RUBCNL: variants seen among roughly 807,000 people sequenced by gnomAD.
RUBCNL encodes rubicon like autophagy enhancer.
A neutral mutation model predicts 69.5 loss-of-function variants in RUBCNL; 62 were observed. That is an observed-to-expected ratio of 0.89 (90% CI 0.73 to 1.10). RUBCNL has a LOEUF of 1.10. Among genes scored for constraint, RUBCNL ranks in the 50% least tolerant of loss-of-function variants. The pLI is 0.00. For synonymous variants in RUBCNL, 291 were observed against 303.6 expected, an observed-to-expected ratio of 0.96 and a Z score of 0.43; for missense variants, 768 against 798.1, an observed-to-expected ratio of 0.96 and a Z score of 0.45.
chr13:46,353,717 G>T (rs555999331), intron 10 of RUBCNL, among the ~76,000 whole-genome samples: 39 of 152,328 alleles, frequency 2.6e-4, no homozygotes, highest in African/African-American at 9.1e-4. Flanking sequence ...TTTATGAAAA[G>T]TCAGCATCAG....
intron 1 of RUBCNL, among the ~76,000 whole-genome samples, chr13:46,379,858 C>T (rs1225647616): frequency 2.6e-5 from 4 of 152,186 alleles, no homozygotes; most frequent in Admixed American, 1.3e-4. Context: ...CATGCTTTGA[C>T]GTTAGGCAAA....
rs1198452224 is a variant in RUBCNL at position 46,350,386 on chromosome 13, G to A, written c.1331-35C>T. 3.4e-6 allele frequency: 5 copies of A among 1,462,364 alleles called. No individual in the cohort carries two copies. In the African/African-American group the frequency reaches 5.6e-5, roughly 16 times the overall value. The allele number at this position is 1,462,364 out of a possible 1,614,324, so 90.6% of individuals were successfully genotyped here. Reference sequence around the variant, plus strand: ...ATACCGGAGGGTGAGTGCCACACCTGGTGCTGAAAACCTATCCTGGTATAC... The same window carrying A: ...ATACCGGAGGGTGAGTGCCACACCTAGTGCTGAAAACCTATCCTGGTATAC... On this transcript the variant is annotated intron_variant, in intron 10 of 14. Coordinates refer to ENST00000429979, the MANE Select transcript of RUBCNL (RefSeq NM_025113.5).
At chr13:46,382,273 C>T (rs1423981406) in intron 1 of RUBCNL, among the ~76,000 whole-genome samples, 1 of 152,066 alleles carries the variant, frequency 6.6e-6, no homozygotes, top group African/African-American at 2.4e-5. Flanking sequence ...GCACAAGCTA[C>T]ACACCAGGCT....
At position 46,341,082 on chromosome 13, in the gene RUBCNL, A is replaced by C. The variant is rs938296502; in HGVS notation, c.*2303T>G. 1.3e-5 allele frequency among the ~76,000 whole-genome samples: 2 copies of C among 152,190 alleles called. No individual in the cohort carries two copies. Among genetic ancestry groups the C allele is most frequent in the Non-Finnish European group, 2.9e-5 (2 of 68,044 alleles). Reference sequence around the variant, plus strand: ...TCTTTGGGATGGCTTGCTCCTCCTCATCCTATAGCCTCTGCCTTGAGATGG... The same window carrying C: ...TCTTTGGGATGGCTTGCTCCTCCTCCTCCTATAGCCTCTGCCTTGAGATGG... On this transcript the variant is annotated 3_prime_UTR_variant, in exon 15 of 15. Coordinates refer to ENST00000429979, the MANE Select transcript of RUBCNL (RefSeq NM_025113.5).
At chr13:46,349,843 A>T (rs1213450936) in intron 11 of RUBCNL, among the ~76,000 whole-genome samples, 2 of 145,446 alleles carry the variant, frequency 1.4e-5, no homozygotes, top group African/African-American at 2.5e-5. Context: ...TACCTGACTA[A>T]TTTTTTTTTT....
Position 46,350,054 on chromosome 13 carries a change from T to C in RUBCNL, c.1569+59A>G, listed in dbSNP as rs1028604270. The C allele has an allele frequency of 1.0e-5, 13 of 1,282,124 alleles. No homozygotes were observed. In the African/African-American group the frequency reaches 1.3e-4, roughly 13 times the overall value. The allele number at this position is 1,282,124 out of a possible 1,614,324, so 79.4% of individuals were successfully genotyped here. A position where few individuals can be genotyped will look rare whatever the true frequency, so the allele number is the denominator to read the frequency against. ...GTGGGTTCCCCAAGCTAGTGTGATG[T>C]GCATTTCCTGCCACAGGACACTTCC... On this transcript the variant is annotated intron_variant, in intron 11 of 14. Coordinates refer to ENST00000429979, the MANE Select transcript of RUBCNL (RefSeq NM_025113.5).
At position 46,340,271 on chromosome 13, in the gene RUBCNL, A is replaced by G. The variant is rs2048132397; in HGVS notation, c.*3114T>C. On this transcript the variant is annotated 3_prime_UTR_variant, in exon 15 of 15. Coordinates refer to ENST00000429979, the MANE Select transcript of RUBCNL (RefSeq NM_025113.5). Reference sequence around the variant, plus strand: ...CCTTTAACATATTCTTTCATGGGACACAATTCAACCCACAACAGTAGCTAT... The same window carrying G: ...CCTTTAACATATTCTTTCATGGGACGCAATTCAACCCACAACAGTAGCTAT... Among the ~76,000 whole-genome samples the G allele has an allele frequency of 6.6e-6, 1 of 152,220 alleles. No homozygotes were observed. Among genetic ancestry groups the G allele is most frequent in the Non-Finnish European group, 1.5e-5 (1 of 68,038 alleles).
chr13:46,357,332 C>CAA (rs750289413), intron 9 of RUBCNL, among the ~76,000 whole-genome samples: 55 of 53,124 alleles, frequency 1.0e-3, no homozygotes, highest in East Asian at 2.8e-3. Flanking sequence ...GACTCCGTCT[C>CAA]AAAAAAAAAA....
intron 10 of RUBCNL, among the ~76,000 whole-genome samples, chr13:46,353,802 T>C (rs564128433): frequency 9.2e-5 from 14 of 152,384 alleles, no homozygotes; most frequent in Admixed American, 6.5e-4. Context: ...AAGTGTTCTA[T>C]ATCTGTGCTG....
Position 46,368,191 on chromosome 13 carries a change from C to A in RUBCNL, c.677G>T (p.Cys226Phe). 1 of 1,614,000 alleles carries A rather than the reference C, an allele frequency of 6.2e-7. No homozygotes were observed. The highest frequency in any genetic ancestry group is 1.1e-5 in the South Asian group (1 of 91,088). The change falls in exon 5 of 15, where the codon TGT becomes TTT. Residue 226 changes from cysteine to phenylalanine, a missense_variant. Cys to Phe is a radical substitution (Grantham distance 205). Transcript: ENST00000429979. ...TGTCTGCTGTTGACTCAGAATGTTA[C>A]ACTTCATTTTCTCCATTGCTGATAT... Reference protein sequence around the residue: ...MIISAMEKMKCNILSQQQTES... With the variant: ...MIISAMEKMKFNILSQQQTES...
rs796659819 is a variant in RUBCNL, at chr13:46,373,218, C to T, written c.-122-621G>A. ...CAAACTCCTGACCTCAGGTGATCCACTCGCCTCAGCCTCTCAAAGTGCTGG... is the reference window on the plus strand; with the variant it reads ...CAAACTCCTGACCTCAGGTGATCCATTCGCCTCAGCCTCTCAAAGTGCTGG... On this transcript the variant is annotated intron_variant, in intron 2 of 14. Transcript: ENST00000429979. Among the ~76,000 whole-genome samples, 14 of 152,272 alleles carry T rather than the reference C, an allele frequency of 9.2e-5. 1 individual carries two copies. Among genetic ancestry groups the T allele is most frequent in the Admixed American group, 5.2e-4 (8 of 15,298 alleles).
chr13:46,384,450 T>C (rs2049190882), intron 1 of RUBCNL, among the ~76,000 whole-genome samples: 2 of 152,212 alleles, frequency 1.3e-5, no homozygotes, highest in Admixed American at 6.5e-5. Flanking sequence ...ATACTTACTC[T>C]ATAATTGTAC....
rs764458781 is a variant in RUBCNL, at chr13:46,335,260, GTTTTTTTTTTTTT to G, written c.*8112_*8124del. Among the ~76,000 whole-genome samples the G allele has an allele frequency of 4.9e-5, 5 of 101,882 alleles. No homozygotes were observed. The highest frequency in any genetic ancestry group is 9.4e-5 in the Non-Finnish European group (5 of 53,466). The allele number at this position is 101,882 out of a possible 152,430, so 66.8% of individuals were successfully genotyped here. On this transcript the variant is annotated 3_prime_UTR_variant, in exon 15 of 15. Transcript: ENST00000429979. ...GTGTCTTTTTGTTGTTGTTGTTGTT[GTTTTTTTTTTTTT>G]TTTTTTTTTTTTAAGAGACAGGGTC...
intron 9 of RUBCNL, among the ~76,000 whole-genome samples, chr13:46,357,519 G>T (rs1005433246): frequency 6.6e-6 from 1 of 151,846 alleles, no homozygotes; most frequent in South Asian, 2.1e-4. Flanking sequence ...GATGCACTTG[G>T]GAAATTCACA....
chr13:46,356,397 ACATCATAAG>A (rs1566071594), intron 10 of RUBCNL, 26 bp downstream of exon 10: 1 of 1,606,068 alleles, frequency 6.2e-7, no homozygotes, highest in South Asian at 1.1e-5. Flanking sequence ...CCTTGTCATC[ACATCATAAG>A]CAGGCGATCC....
In RUBCNL at chr13:46,339,046, C is replaced by CAA. The variant is rs57707207; in HGVS notation, c.*4337_*4338dup. 3.6e-4 allele frequency among the ~76,000 whole-genome samples: 46 copies of CAA among 128,888 alleles called. 1 individual carries two copies. Among genetic ancestry groups the CAA allele is most frequent in the African/African-American group, 9.2e-4 (33 of 35,706 alleles). The allele number at this position is 128,888 out of a possible 152,430, so 84.6% of individuals were successfully genotyped here. On this transcript the variant is annotated 3_prime_UTR_variant, in exon 15 of 15. Transcript: ENST00000429979. The stretch of plus-strand genomic sequence containing the variant: ...TGGGCGACAGAGCGAGACCCTGTCT[C>CAA]AAAAAAAAAAAAAAAAGTGCAAGGA...
rs2048111062 is a variant in RUBCNL, at chr13:46,337,338, C to G, written c.*6047G>C. ...ATTTTTAGTAAAGACTGGGTTTCAC[C>G]ATGTTGGCCAGGATGGTCTCAATCT... On this transcript the variant is annotated 3_prime_UTR_variant, in exon 15 of 15. Transcript: ENST00000429979. Among the ~76,000 whole-genome samples, 1 of 152,096 alleles carries G rather than the reference C, an allele frequency of 6.6e-6. No homozygotes were observed. Among genetic ancestry groups the G allele is most frequent in the South Asian group, 2.1e-4 (1 of 4,824 alleles).
chr13:46,347,835 C>T (rs2048280783), intron 12 of RUBCNL, among the ~76,000 whole-genome samples: 1 of 152,052 alleles, frequency 6.6e-6, no homozygotes, highest in South Asian at 2.1e-4. Flanking sequence ...ACTAAAAACA[C>T]ACAAAAAATT....
At chr13:46,385,007 A>T (rs1031257955) in intron 1 of RUBCNL, among the ~76,000 whole-genome samples, 17 of 152,186 alleles carry the variant, frequency 1.1e-4, no homozygotes, top group Admixed American at 1.1e-3. Context: ...AAAAGTTAAA[A>T]CACTCGCACA....
Sources: allele counts gnomAD v4.1 joint callset (sites outside exome capture counted in the v4.1 genomes callset), GRCh38; gene constraint gnomAD v4.1.1; transcripts MANE v1.5; gene names NCBI Gene and HGNC (gene_info 2026-07-23, HGNC 2026-07-21).